Variants in CDH10 observed in about 807,000 individuals in gnomAD.
CDH10 encodes cadherin-10.
In CDH10, 30 loss-of-function variants were observed where a neutral mutation model predicts 73.1. The observed-to-expected ratio is 0.41, with a 90% confidence interval of 0.31 to 0.56. The LOEUF is 0.56. Among genes scored for constraint, CDH10 ranks in the 20% least tolerant of loss-of-function variants. The pLI, the probability that CDH10 is intolerant of heterozygous loss-of-function variation, is 0.27. For synonymous variants in CDH10, 345 were observed against 348.2 expected, an observed-to-expected ratio of 0.99 and a Z score of 0.10; for missense variants, 815 against 973.7, an observed-to-expected ratio of 0.84 and a Z score of 2.17.
chr5:24,592,233 G>T (rs1375837319), intron 2 of CDH10, among the ~76,000 whole-genome samples: 2 of 151,678 alleles, frequency 1.3e-5, no homozygotes, highest in African/African-American at 4.8e-5. Flanking sequence ...CTCAAAAACA[G>T]GGTTTTTAGA....
At chr5:24,570,020 C>T (rs12055114) in intron 2 of CDH10, among the ~76,000 whole-genome samples, 17,612 of 152,138 alleles carry the variant, frequency 0.12, 1,234 homozygotes, top group Admixed American at 0.18. Flanking sequence ...CCCGCCTCAG[C>T]CTCTCAAAGT....
chr5:24,500,390 A>G (rs752132174), intron 8 of CDH10, among the ~76,000 whole-genome samples: 1 of 152,234 alleles, frequency 6.6e-6, no homozygotes, highest in Non-Finnish European at 1.5e-5. Flanking sequence ...TCCTTTCTTC[A>G]CCAATCCTTT....
intron 9 of CDH10, among the ~76,000 whole-genome samples, chr5:24,497,207 ATGACT>A (rs1364381097): frequency 6.6e-6 from 1 of 152,150 alleles, no homozygotes; most frequent in East Asian, 1.9e-4. Context: ...AGTATTTATA[ATGACT>A]TGAGTGCTCT....
At chr5:24,596,433 T>G in intron 1 of CDH10, among the ~76,000 whole-genome samples, 1 of 151,968 alleles carries the variant, frequency 6.6e-6, no homozygotes, top group Middle Eastern at 3.4e-3. Context: ...GCAAACAGCA[T>G]ACAATAACTA....
At position 24,491,633 on chromosome 5, in the gene CDH10, C is replaced by A. The variant is rs1473127917; in HGVS notation, c.1819G>T (p.Ala607Ser). 1 of 1,613,336 alleles carries A rather than the reference C, an allele frequency of 6.2e-7. No homozygotes were observed. The highest frequency in any genetic ancestry group is 8.5e-7 in the Non-Finnish European group (1 of 1,179,354). Residue 607 changes from alanine (A) to serine (S), a missense_variant, in exon 11 of 12, where the codon GCC becomes TCC. By Grantham distance (99) the Ala-to-Ser change is moderately conservative. This residue lies in a region of CDH10 where 241 missense variants were observed against 240.3 expected (regional missense o/e 1.00). Coordinates refer to ENST00000264463, the MANE Select transcript of CDH10 (RefSeq NM_006727.5). ...ATCAAGGCCCCAGTGCTGAGGCCGGCAGGGAGGAGCAGGGCTTCAGCACTG... is the reference window on the plus strand; with the variant it reads ...ATCAAGGCCCCAGTGCTGAGGCCGGAAGGGAGGAGCAGGGCTTCAGCACTG... ...SCSAEALLLP[A>S]GLSTGALIAI...
intron 2 of CDH10, among the ~76,000 whole-genome samples, chr5:24,573,684 G>A (rs1259213164): frequency 2.1e-5 from 3 of 141,390 alleles, no homozygotes; most frequent in Non-Finnish European, 3.0e-5. Flanking sequence ...CTGGGCGACA[G>A]AGCGAGACTC....
chr5:24,554,506 GTGTGTGTGTGTGT>G (rs1561159572), intron 2 of CDH10, among the ~76,000 whole-genome samples: 4 of 149,566 alleles, frequency 2.7e-5, no homozygotes, highest in Admixed American at 1.3e-4. Context: ...GTGTGTGTGT[GTGTGTGTGTGTGT>G]GCACGTGCAT....
chr5:24,532,736 T>G (rs2111865401), intron 5 of CDH10, among the ~76,000 whole-genome samples: 1 of 152,240 alleles, frequency 6.6e-6, no homozygotes, highest in African/African-American at 2.4e-5. Flanking sequence ...ATAATTCAAA[T>G]AAATGTCTCT....
At chr5:24,538,555 G>A (rs1744041218) in intron 2 of CDH10, among the ~76,000 whole-genome samples, 1 of 152,010 alleles carries the variant, frequency 6.6e-6, no homozygotes, top group Non-Finnish European at 1.5e-5. Flanking sequence ...TGCCAGTCCA[G>A]GAGTTCATGT....
chr5:24,627,997 G>A (rs1747568780), intron 1 of CDH10, among the ~76,000 whole-genome samples: 1 of 151,998 alleles, frequency 6.6e-6, no homozygotes, highest in Non-Finnish European at 1.5e-5. Context: ...ATGGCATCGT[G>A]GTAATAACAC....
chr5:24,620,245 G>A (rs1036252653), intron 1 of CDH10, among the ~76,000 whole-genome samples: 1 of 151,900 alleles, frequency 6.6e-6, no homozygotes, highest in Non-Finnish European at 1.5e-5. Context: ...GTCCTTTTGT[G>A]AGCTCAAAAT....
chr5:24,636,614 T>C (rs1250487772), intron 1 of CDH10, among the ~76,000 whole-genome samples: 1 of 151,908 alleles, frequency 6.6e-6, no homozygotes, highest in East Asian at 1.9e-4. Context: ...CAAACTCCCA[T>C]AACACACAAT....
intron 5 of CDH10, among the ~76,000 whole-genome samples, chr5:24,531,795 C>T (rs1224611170): frequency 6.6e-6 from 1 of 151,992 alleles, no homozygotes; most frequent in Non-Finnish European, 1.5e-5. Context: ...GTATTTGGTG[C>T]AAGGGTGATC....
intron 5 of CDH10, among the ~76,000 whole-genome samples, chr5:24,516,504 T>G (rs1743114193): frequency 6.6e-6 from 1 of 152,126 alleles, no homozygotes; most frequent in Non-Finnish European, 1.5e-5. Context: ...CCACATTTAT[T>G]ATTTGAAATT....
chr5:24,621,119 A>T (rs557991012), intron 1 of CDH10, among the ~76,000 whole-genome samples: 94 of 152,256 alleles, frequency 6.2e-4, no homozygotes, highest in Middle Eastern at 3.4e-3. Context: ...AGGACATCAG[A>T]ACTGCCAGGT....
chr5:24,497,492 A>C (rs2111677437), intron 9 of CDH10, among the ~76,000 whole-genome samples: 1 of 152,304 alleles, frequency 6.6e-6, no homozygotes, highest in Non-Finnish European at 1.5e-5. Context: ...AATTGCAGCA[A>C]TTTTACCATA....
chr5:24,492,759 T>A, intron 10 of CDH10, 58 bp downstream of exon 10: 1 of 775,956 alleles, frequency 1.3e-6, no homozygotes. Flanking sequence ...ATGGTTACAC[T>A]CGGGAAATTT....
At chr5:24,621,703 CTCTT>C (rs987185403) in intron 1 of CDH10, among the ~76,000 whole-genome samples, 5 of 152,298 alleles carry the variant, frequency 3.3e-5, no homozygotes, top group African/African-American at 1.2e-4. Context: ...ATCTCTCTCT[CTCTT>C]TCTCATCTAT....
At chr5:24,518,635 A>G (rs1278428401) in intron 5 of CDH10, among the ~76,000 whole-genome samples, 1 of 151,994 alleles carries the variant, frequency 6.6e-6, no homozygotes, top group African/African-American at 2.4e-5. Context: ...CCCTGCCACA[A>G]TGTTGCAGGT....
Sources: allele counts gnomAD v4.1 joint callset (sites outside exome capture counted in the v4.1 genomes callset), GRCh38; gene constraint gnomAD v4.1.1; regional missense constraint gnomAD v4.1.1; transcripts MANE v1.5; gene names NCBI Gene and HGNC (gene_info 2026-07-23, HGNC 2026-07-21).